RIOK3: variants seen among roughly 807,000 people sequenced by gnomAD.
RIOK3 encodes the protein RIO kinase 3, also known as serine/threonine-protein kinase RIO3.
A neutral mutation model predicts 63.5 loss-of-function variants in RIOK3; 40 were observed. That is an observed-to-expected ratio of 0.63 (90% CI 0.49 to 0.82). RIOK3 has a LOEUF of 0.82. Among genes scored for constraint, RIOK3 ranks in the 40% least tolerant of loss-of-function variants. The probability of loss-of-function intolerance (pLI) is 0.00; values close to 1 mark genes in which losing one functional copy is unlikely to be tolerated. For synonymous variants in RIOK3, 193 were observed against 205.0 expected, an observed-to-expected ratio of 0.94 and a Z score of 0.50; for missense variants, 557 against 637.0, an observed-to-expected ratio of 0.87 and a Z score of 1.35.
intron 7 of RIOK3, among the ~76,000 whole-genome samples, chr18:23,471,233 G>A (rs1568385235): frequency 6.6e-6 from 1 of 152,226 alleles, no homozygotes; most frequent in Non-Finnish European, 1.5e-5. Context: ...GTAGGACAGG[G>A]AACGCTTCTC....
intron 9 of RIOK3, among the ~76,000 whole-genome samples, chr18:23,475,972 A>T (rs2057488078): frequency 7.3e-6 from 1 of 137,194 alleles, no homozygotes; most frequent in African/African-American, 2.7e-5. Context: ...TTCAAATAAG[A>T]GACAGGGTCT....
intron 6 of RIOK3, 35 bp from the exon 7 acceptor site, chr18:23,467,364 A>G: frequency 6.3e-7 from 1 of 1,580,524 alleles, no homozygotes; most frequent in Non-Finnish European, 8.6e-7. Context: ...TGTGATTAGC[A>G]GTCATTTTCA....
rs1329487662 is a variant in RIOK3, at chr18:23,477,036, C to T, written c.1204C>T (p.Leu402Phe). Reference protein sequence around the residue: ...LMRQLYHECTLVHADLSEYNM... With the variant: ...LMRQLYHECTFVHADLSEYNM... ...GCGGCAGTTATATCATGAATGTACG[C>T]TTGTCCATGCTGACCTCAGTGAGTA... Residue 402 changes from leucine (L) to phenylalanine (F), a missense_variant, in exon 10 of 13, where the codon CTT becomes TTT. By Grantham distance (22) the Leu-to-Phe change is conservative. Transcript: ENST00000339486. The T allele has an allele frequency of 6.2e-7, 1 of 1,613,920 alleles. No individual in the cohort carries two copies. The highest frequency in any genetic ancestry group is 2.2e-5 in the East Asian group (1 of 44,880).
rs1019402233 is a variant in RIOK3, at chr18:23,464,507, A to C, written c.434-12A>C. 2.7e-5 allele frequency: 42 copies of C among 1,557,292 alleles called. No homozygotes were observed. The highest frequency in any genetic ancestry group is 3.4e-5 in the Non-Finnish European group (39 of 1,144,178). ...TATTTTTATATACCTGGCTTATTTC[A>C]ATTGCCTTTAGCAAAACCGGTTCCC... On this transcript the variant is annotated splice_polypyrimidine_tract_variant and intron_variant, in intron 4 of 12. Transcript: ENST00000339486.
chr18:23,456,662 G>A (rs2057343208), intron 1 of RIOK3, among the ~76,000 whole-genome samples: 1 of 151,966 alleles, frequency 6.6e-6, no homozygotes, highest in South Asian at 2.1e-4. Flanking sequence ...CAAAGTGCTA[G>A]AATTACAGGT....
At chr18:23,469,328 T>TCC (rs2057433533) in intron 7 of RIOK3, among the ~76,000 whole-genome samples, 1 of 27,758 alleles carries the variant, frequency 3.6e-5, no homozygotes, top group Non-Finnish European at 6.5e-5. Context: ...TCTCTCTCTC[T>TCC]CTCTCTCTCC....
At position 23,480,569 on chromosome 18, in the gene RIOK3, A is replaced by ACACACACACACACG. The variant is rs1424404391; in HGVS notation, c.1453-590_1453-589insGCACACACACACAC. The stretch of plus-strand genomic sequence containing the variant: ...CTTGGATGCACGCACACACACACAC[A>ACACACACACACACG]CACACACACACACACACACACATAG... On this transcript the variant is annotated intron_variant, in intron 12 of 12. Transcript: ENST00000339486. Among the ~76,000 whole-genome samples the ACACACACACACACG allele has an allele frequency of 1.8e-3, 271 of 151,532 alleles. 2 individuals are homozygous for ACACACACACACACG. The highest frequency in any genetic ancestry group is 6.2e-3 in the African/African-American group (258 of 41,348).
At chr18:23,459,661 G>A (rs939360085) in intron 1 of RIOK3, among the ~76,000 whole-genome samples, 19 of 152,272 alleles carry the variant, frequency 1.2e-4, no homozygotes, top group Admixed American at 4.6e-4. Flanking sequence ...ATGCAGCGGG[G>A]AAAGTATGCC....
At chr18:23,468,990 T>A (rs567253273) in intron 7 of RIOK3, among the ~76,000 whole-genome samples, 38 of 152,332 alleles carry the variant, frequency 2.5e-4, no homozygotes, top group Admixed American at 4.6e-4. Flanking sequence ...ACTTTCTTGT[T>A]GGCTGTCAGC....
chr18:23,468,594 C>T (rs182310660), intron 7 of RIOK3, among the ~76,000 whole-genome samples: 4 of 152,250 alleles, frequency 2.6e-5, no homozygotes, highest in East Asian at 3.9e-4. Flanking sequence ...TGAGCCACTG[C>T]GCCTGGCCTG....
intron 12 of RIOK3, among the ~76,000 whole-genome samples, chr18:23,480,854 A>C (rs1306107415): frequency 1.3e-5 from 2 of 152,238 alleles, no homozygotes; most frequent in Non-Finnish European, 2.9e-5. Flanking sequence ...TGAGAGGCCA[A>C]GGCGGGTGGA....
chr18:23,473,399 T>C, intron 7 of RIOK3, 30 bp from the exon 8 acceptor site: 1 of 1,451,522 alleles, frequency 6.9e-7, no homozygotes, highest in Non-Finnish European at 9.6e-7. Context: ...TGGCAACTTG[T>C]ACTGACTTGA....
chr18:23,461,484 C>A (rs545439014), intron 1 of RIOK3, among the ~76,000 whole-genome samples: 1 of 152,098 alleles, frequency 6.6e-6, no homozygotes, highest in Admixed American at 6.5e-5. Context: ...AGTAACCCAG[C>A]GAATGGGATA....
intron 1 of RIOK3, among the ~76,000 whole-genome samples, chr18:23,454,076 T>G (rs2057322682): frequency 6.6e-6 from 1 of 152,226 alleles, no homozygotes; most frequent in African/African-American, 2.4e-5. Flanking sequence ...CGTTTAAACT[T>G]TTTCATAGAG....
At chr18:23,476,897 G>A in intron 9 of RIOK3, 109 bp from the exon 10 acceptor site, 1 of 835,890 alleles carries the variant, frequency 1.2e-6, no homozygotes, top group Non-Finnish European at 1.9e-6. Flanking sequence ...GGGCGACAGA[G>A]TGAGACTCTG....
At chr18:23,456,915 G>A (rs1354766775) in intron 1 of RIOK3, among the ~76,000 whole-genome samples, 1 of 152,132 alleles carries the variant, frequency 6.6e-6, no homozygotes, top group African/African-American at 2.4e-5. Context: ...TAGAAATACT[G>A]AGAACAAACT....
In RIOK3 at chr18:23,473,499, C is replaced by A; in HGVS notation, c.886C>A (p.Leu296Ile). 2 of 1,612,238 alleles carry A rather than the reference C, an allele frequency of 1.2e-6. No homozygotes were observed. The highest frequency in any genetic ancestry group is 1.7e-6 in the Non-Finnish European group (2 of 1,178,704). Residue 296 changes from leucine (L) to isoleucine (I), a missense_variant, in exon 8 of 13, where the codon CTT (leucine) becomes ATT (isoleucine). By Grantham distance (5) the Leu-to-Ile change is conservative (BLOSUM62 2). Around this residue, in one of 3 missense-constraint regions of RIOK3, gnomAD observed 309 missense variants for 338.7 expected, o/e 0.91. Transcript: ENST00000339486. The part of the protein sequence containing the change: ...ECAIKVFKTT[L>I]NEFKNRDKYI... The stretch of plus-strand genomic sequence containing the variant: ...TGCCATCAAGGTATTTAAAACAACC[C>A]TTAATGAATTTAAGAATCGTGACAA...
chr18:23,462,718 G>T (rs373803219), intron 1 of RIOK3, among the ~76,000 whole-genome samples: 3 of 152,214 alleles, frequency 2.0e-5, no homozygotes, highest in East Asian at 3.8e-4. Context: ...CTTCCCCTCA[G>T]CTTTAAGGAT....
At chr18:23,469,037 T>C (rs2057429709) in intron 7 of RIOK3, among the ~76,000 whole-genome samples, 1 of 152,228 alleles carries the variant, frequency 6.6e-6, no homozygotes. Context: ...CCCCTGCAGT[T>C]CCTTGCCATG....
Sources: gnomAD v4.1 joint callset for allele counts (sites outside exome capture counted in the v4.1 genomes callset) on GRCh38, gnomAD v4.1.1 for gene constraint, gnomAD v4.1.1 regional missense constraint, MANE v1.5 for transcripts, NCBI Gene and HGNC (gene_info 2026-07-23, HGNC 2026-07-21) for gene names.